SEMA3E: variants seen among roughly 807,000 people sequenced by gnomAD.
SEMA3E encodes the protein semaphorin-3E.
In SEMA3E, 49 loss-of-function variants were observed where a neutral mutation model predicts 93.6. That is an observed-to-expected ratio of 0.52 (90% confidence interval 0.42 to 0.66). The LOEUF (loss-of-function observed/expected upper bound fraction) is 0.66, where lower values mean the gene tolerates loss of function less well. SEMA3E is among the 30% of genes least tolerant of loss of function. SEMA3E has a pLI of 0.00. For missense variants in SEMA3E, 906 were observed against 964.8 expected (o/e 0.94, Z 0.81); for synonymous variants, 363 against 330.7 (o/e 1.10, Z -1.06).
chr7:83,504,393 A>T (rs1790654295), intron 1 of SEMA3E, among the ~76,000 whole-genome samples: 2 of 152,160 alleles, frequency 1.3e-5, no homozygotes, highest in African/African-American at 4.8e-5. Flanking sequence ...GTTATTTACC[A>T]TTACTTCATA....
chr7:83,593,181 T>C (rs754583040), intron 1 of SEMA3E, among the ~76,000 whole-genome samples: 14 of 151,736 alleles, frequency 9.2e-5, no homozygotes, highest in South Asian at 6.2e-4. Context: ...AGGGGCAAGA[T>C]CATAAAATCA....
At chr7:83,376,145 A>G (rs1185623206) in intron 16 of SEMA3E, among the ~76,000 whole-genome samples, 1 of 152,104 alleles carries the variant, frequency 6.6e-6, no homozygotes, top group African/African-American at 2.4e-5. Flanking sequence ...TGCACTTTAC[A>G]TTATAAAAAC....
chr7:83,549,166 G>T (rs1791710619), intron 1 of SEMA3E, among the ~76,000 whole-genome samples: 1 of 152,044 alleles, frequency 6.6e-6, no homozygotes, highest in Non-Finnish European at 1.5e-5. Context: ...TGAGTTATAT[G>T]GAAACATTCA....
intron 5 of SEMA3E, among the ~76,000 whole-genome samples, chr7:83,410,633 T>C (rs891064044): frequency 1.2e-4 from 18 of 152,104 alleles, no homozygotes; most frequent in African/African-American, 4.3e-4. Context: ...ACCAAATGCA[T>C]AAATGCATTC....
At chr7:83,505,532 A>T (rs1036565422) in intron 1 of SEMA3E, among the ~76,000 whole-genome samples, 4 of 152,218 alleles carry the variant, frequency 2.6e-5, no homozygotes, top group Non-Finnish European at 4.4e-5. Flanking sequence ...ATAGGAGTGG[A>T]TGGGATGAGC....
At chr7:83,494,836 C>A (rs1305076447) in intron 1 of SEMA3E, among the ~76,000 whole-genome samples, 1 of 151,944 alleles carries the variant, frequency 6.6e-6, no homozygotes, top group Non-Finnish European at 1.5e-5. Flanking sequence ...AATTCAAATT[C>A]TCAAGGGAAA....
intron 1 of SEMA3E, among the ~76,000 whole-genome samples, chr7:83,537,371 T>C (rs1791427857): frequency 6.6e-6 from 1 of 152,162 alleles, no homozygotes; most frequent in Admixed American, 6.5e-5. Flanking sequence ...TCACAATCCC[T>C]AGAGCAGTGG....
In SEMA3E at chr7:83,648,791, A is replaced by G. The variant is rs1794114716; in HGVS notation, c.-249T>C. 4 of 532,496 alleles carry G rather than the reference A, an allele frequency of 7.5e-6. No homozygotes were observed. In the East Asian group the frequency reaches 1.0e-4, roughly 14 times the overall value. The allele number at this position is 532,496 out of a possible 1,614,324, so 33.0% of individuals were successfully genotyped here. The stretch of plus-strand genomic sequence containing the variant: ...TTCCAAAGAGTGAGTCTTCAGAGCC[A>G]TGTCCTGTCTAGAGCGCTCTTCAGC... On this transcript the variant is annotated 5_prime_UTR_variant, in exon 1 of 17. It removes an upstream start codon present in the reference 5' UTR. Transcript: ENST00000643230.
At chr7:83,418,102 A>G (rs1036505757) in intron 5 of SEMA3E, among the ~76,000 whole-genome samples, 1 of 152,180 alleles carries the variant, frequency 6.6e-6, no homozygotes, top group Non-Finnish European at 1.5e-5. Flanking sequence ...AAGTCTTCAT[A>G]TAATTGCATT....
chr7:83,367,661 A>G lies in SEMA3E; in HGVS notation c.2253T>C (p.Tyr751=), dbSNP rs547303531. The G allele has an allele frequency of 9.3e-6, 15 of 1,614,098 alleles. No individual in the cohort carries two copies. The South Asian group carries it at 1.4e-4, about 15-fold the overall frequency. The change falls in exon 17 of 17, where the codon TAT becomes TAC. Residue 751 remains tyrosine, a synonymous_variant. Transcript: ENST00000643230. ...GGAGCTTCTTTTCCTGAGGGTTGGC[A>G]TACTTCCACTTGGAGGGTGACATTT... ...KLKMSPSKWK[Y]ANPQEKKLRS... is the part of the protein sequence containing the mutation.
At chr7:83,484,343 T>C (rs1790208991) in intron 2 of SEMA3E, among the ~76,000 whole-genome samples, 1 of 152,218 alleles carries the variant, frequency 6.6e-6, no homozygotes, top group East Asian at 1.9e-4. Flanking sequence ...CCTTCCTCCT[T>C]GTCATCTACC....
At chr7:83,460,663 A>AGCGGCAAG (rs1584263175) in intron 4 of SEMA3E, among the ~76,000 whole-genome samples, 1 of 51,448 alleles carries the variant, frequency 1.9e-5, no homozygotes, top group Non-Finnish European at 5.0e-5. Flanking sequence ...CCAACCTCAT[A>AGCGGCAAG]TCTCTGCGCC....
chr7:83,525,802 C>G (rs1408081751), intron 1 of SEMA3E, among the ~76,000 whole-genome samples: 2 of 89,892 alleles, frequency 2.2e-5, no homozygotes, highest in African/African-American at 5.2e-5. Flanking sequence ...TTTTTTTTTT[C>G]GTCTCTATAT....
intron 16 of SEMA3E, among the ~76,000 whole-genome samples, chr7:83,375,652 T>A (rs564772834): frequency 6.6e-6 from 1 of 152,218 alleles, no homozygotes; most frequent in East Asian, 1.9e-4. Context: ...TGCATTGGGC[T>A]TTCTGCATTA....
Position 83,477,088 on chromosome 7 carries a change from C to T in SEMA3E, c.277-7786G>A, listed in dbSNP as rs989912303. ...GATCTAACAGCTTATTGTTACAAGACGTTATGACACTCAGAGATTTAGGAG... is the reference window on the plus strand; with the variant it reads ...GATCTAACAGCTTATTGTTACAAGATGTTATGACACTCAGAGATTTAGGAG... On this transcript the variant is annotated intron_variant, in intron 2 of 16. Coordinates refer to ENST00000643230, the MANE Select transcript of SEMA3E (RefSeq NM_012431.3). Among the ~76,000 whole-genome samples, 88 of 152,190 alleles carry T rather than the reference C, an allele frequency of 5.8e-4. 2 individuals are homozygous for T. Among genetic ancestry groups the T allele is most frequent in the African/African-American group, 1.8e-3 (74 of 41,544 alleles).
intron 1 of SEMA3E, among the ~76,000 whole-genome samples, chr7:83,592,842 G>A (rs1792782030): frequency 1.3e-5 from 2 of 152,150 alleles, no homozygotes; most frequent in Admixed American, 1.3e-4. Context: ...AGAAGCAGGT[G>A]TTTTAAAAAG....
chr7:83,367,332 C>T lies in SEMA3E; in HGVS notation c.*254G>A, dbSNP rs1794683802. On this transcript the variant is annotated 3_prime_UTR_variant, in exon 17 of 17. Coordinates refer to ENST00000643230, the MANE Select transcript of SEMA3E (RefSeq NM_012431.3). ...AAAAGCAGCCAAGTACTGAAAATAA[C>T]AGCTACAGTTGTTTTTTGATAAACA... is the stretch of plus-strand genomic sequence containing the variant. 1 of 412,482 alleles carries T rather than the reference C, an allele frequency of 2.4e-6. No individual in the cohort carries two copies. The highest frequency in any genetic ancestry group is 3.6e-5 in the South Asian group (1 of 27,690). 25.6% of individuals were successfully genotyped at this position (412,482 alleles called of 1,614,324 possible).
At chr7:83,632,800 A>G (rs1206310547) in intron 1 of SEMA3E, among the ~76,000 whole-genome samples, 1 of 152,224 alleles carries the variant, frequency 6.6e-6, no homozygotes, top group Non-Finnish European at 1.5e-5. Context: ...GAGATTAGGT[A>G]GGTAAGTACT....
intron 9 of SEMA3E, among the ~76,000 whole-genome samples, chr7:83,403,130 A>G (rs1191942382): frequency 6.6e-6 from 1 of 151,864 alleles, no homozygotes; most frequent in Non-Finnish European, 1.5e-5. Flanking sequence ...ACTCATTTAG[A>G]TATTATCTCC....
Sources: allele counts gnomAD v4.1 joint callset (sites outside exome capture counted in the v4.1 genomes callset), GRCh38; gene constraint gnomAD v4.1.1; transcripts MANE v1.5; gene names NCBI Gene and HGNC (gene_info 2026-07-23, HGNC 2026-07-21).